The following TMTC1 variants were observed in gnomAD, a reference collection of about 807,000 sequenced individuals.
TMTC1 encodes the protein protein O-mannosyl-transferase TMTC1.
In TMTC1, 73 loss-of-function variants were observed where a neutral mutation model predicts 104.8. The observed-to-expected ratio is 0.70, with a 90% CI of 0.58 to 0.85. TMTC1 has a LOEUF of 0.85. Among genes scored for constraint, TMTC1 ranks in the 40% least tolerant of loss-of-function variants. The probability of loss-of-function intolerance (pLI) is 0.00; values close to 1 mark genes in which losing one functional copy is unlikely to be tolerated. For synonymous variants in TMTC1, 434 were observed against 428.7 expected, an observed-to-expected ratio of 1.01 and a Z score of -0.15; for missense variants, 1,035 against 1,096.1, an observed-to-expected ratio of 0.94 and a Z score of 0.79.
Position 29,638,940 on chromosome 12 carries a change from A to T in TMTC1, c.939-5604T>A, listed in dbSNP as rs79773197. Among the ~76,000 whole-genome samples, 763 of 152,308 alleles carry T rather than the reference A, an allele frequency of 5.0e-3. 6 individuals are homozygous for T. The highest frequency in any genetic ancestry group is 0.017 in the African/African-American group (726 of 41,556). On this transcript the variant is annotated intron_variant, in intron 5 of 17. Coordinates refer to ENST00000539277, the MANE Select transcript of TMTC1 (RefSeq NM_001193451.2). ...GTCTCCACCTCACTGGGCCCCAGCC[A>T]TGACAGGCCTACACAGGCATTACCT...
intron 6 of TMTC1, among the ~76,000 whole-genome samples, chr12:29,613,265 G>A (rs12317132): frequency 0.015 from 2,283 of 152,274 alleles, 48 homozygotes; most frequent in African/African-American, 0.051. Flanking sequence ...CTTGAGTGAG[G>A]TACACCTAGG....
intron 12 of TMTC1, among the ~76,000 whole-genome samples, chr12:29,520,274 A>G (rs1309808422): frequency 1.3e-5 from 2 of 152,256 alleles, no homozygotes; most frequent in East Asian, 3.8e-4. Context: ...AACTGCTTTC[A>G]GAGGCAGGTT....
At chr12:29,713,958 TTC>T (rs1376755334) in intron 5 of TMTC1, among the ~76,000 whole-genome samples, 1 of 151,882 alleles carries the variant, frequency 6.6e-6, no homozygotes, top group Non-Finnish European at 1.5e-5. Context: ...CAGCTGCGGG[TTC>T]TCTCTCTCTC....
intron 5 of TMTC1, among the ~76,000 whole-genome samples, chr12:29,721,845 C>T (rs1190369622): frequency 3.3e-5 from 5 of 151,568 alleles, no homozygotes; most frequent in Non-Finnish European, 7.4e-5. Flanking sequence ...GGAAATATTT[C>T]TTTAATAATA....
intron 5 of TMTC1, among the ~76,000 whole-genome samples, chr12:29,640,036 T>C (rs1938756739): frequency 1.3e-5 from 2 of 152,192 alleles, no homozygotes. Flanking sequence ...TATGCCCCCA[T>C]GGGGCATTCC....
chr12:29,755,804 C>G lies in TMTC1; in HGVS notation c.636G>C (p.Gly212=), dbSNP rs190701071. ...TCTCTTTCACCAGCATCGCACAGGT[C>G]CCCAGAAACAAACTGAGCAGCAAGA... is the stretch of plus-strand genomic sequence containing the variant. ...PFFLLLSLFL[G]TCAMLVKETG... is the part of the protein sequence containing the mutation. Residue 212 remains glycine (G), a synonymous_variant, in exon 4 of 18, where the codon GGG becomes GGC. Coordinates refer to ENST00000539277, the MANE Select transcript of TMTC1 (RefSeq NM_001193451.2). 10 of 1,614,138 alleles carry G rather than the reference C, an allele frequency of 6.2e-6. No homozygotes were observed. The African/African-American group carries it at 1.2e-4, about 19-fold the overall frequency.
chr12:29,574,081 G>C (rs1945755470), intron 8 of TMTC1, among the ~76,000 whole-genome samples: 1 of 152,096 alleles, frequency 6.6e-6, no homozygotes, highest in Admixed American at 6.6e-5. Flanking sequence ...GCCATAGGGA[G>C]GAACAGAAGG....
chr12:29,643,867 T>A (rs1256098151), intron 5 of TMTC1, among the ~76,000 whole-genome samples: 101 of 37,500 alleles, frequency 2.7e-3, no homozygotes, highest in African/African-American at 7.4e-3. Flanking sequence ...TTATATATAT[T>A]TTTATATATA....
intron 5 of TMTC1, among the ~76,000 whole-genome samples, chr12:29,677,626 A>G (rs1012457567): frequency 6.6e-6 from 1 of 152,244 alleles, no homozygotes; most frequent in African/African-American, 2.4e-5. Context: ...TTTAAATCAC[A>G]TGCCTTTTAA....
chr12:29,666,468 C>T (rs1035685810), intron 5 of TMTC1, among the ~76,000 whole-genome samples: 7 of 151,874 alleles, frequency 4.6e-5, no homozygotes, highest in South Asian at 2.1e-4. Context: ...CTCCTGACCT[C>T]GTGATCCACC....
chr12:29,700,593 G>A (rs1336157709), intron 5 of TMTC1, among the ~76,000 whole-genome samples: 2 of 152,156 alleles, frequency 1.3e-5, no homozygotes, highest in Admixed American at 1.3e-4. Flanking sequence ...CCTTTCTGGA[G>A]AGAAGCTGGA....
At chr12:29,636,553 C>T (rs1252201266) in intron 5 of TMTC1, among the ~76,000 whole-genome samples, 1 of 152,068 alleles carries the variant, frequency 6.6e-6, no homozygotes. Flanking sequence ...TTCACGGTGG[C>T]TCATGCCTGT....
chr12:29,668,862 C>CA (rs1298435293), intron 5 of TMTC1, among the ~76,000 whole-genome samples: 1 of 152,216 alleles, frequency 6.6e-6, no homozygotes, highest in African/African-American at 2.4e-5. Context: ...ATGAAGTTAA[C>CA]AGTGCACAAT....
At chr12:29,696,743 A>G (rs1192061603) in intron 5 of TMTC1, among the ~76,000 whole-genome samples, 1 of 152,222 alleles carries the variant, frequency 6.6e-6, no homozygotes, top group Non-Finnish European at 1.5e-5. Context: ...GAAGTAGGGT[A>G]GGAAATAAAT....
At chr12:29,543,038 A>G (rs1392963875) in intron 10 of TMTC1, among the ~76,000 whole-genome samples, 1 of 152,224 alleles carries the variant, frequency 6.6e-6, no homozygotes, top group East Asian at 1.9e-4. Flanking sequence ...AGGCTAAAAA[A>G]TTCCCGAGAA....
intron 9 of TMTC1, among the ~76,000 whole-genome samples, chr12:29,566,929 A>AGGAGTGTTGGCTGCTGGCAGCTC (rs1473273653): frequency 6.6e-5 from 10 of 152,216 alleles, no homozygotes; most frequent in African/African-American, 2.4e-4. Context: ...CCCGGCTGCT[A>AGGAGTGTTGGCTGCTGGCAGCTC]GGAGTGTTGG....
intron 5 of TMTC1, among the ~76,000 whole-genome samples, chr12:29,705,349 G>C (rs1941711605): frequency 6.6e-6 from 1 of 152,236 alleles, no homozygotes; most frequent in South Asian, 2.1e-4. Context: ...ATTTTGAGCT[G>C]ATTATTTTGA....
In TMTC1 at chr12:29,774,140, A is replaced by G. The variant is rs534759398; in HGVS notation, c.303-6065T>C. ...ATGCCAGGGAGATTTTAGCATCTCA[A>G]CCTCATTAAACATGGGCCCCCATGA... On this transcript the variant is annotated intron_variant, in intron 1 of 17. Transcript: ENST00000539277. 6.6e-5 allele frequency among the ~76,000 whole-genome samples: 10 copies of G among 152,246 alleles called. No homozygotes were observed. The South Asian group carries it at 1.0e-3, about 16-fold the overall frequency.
At chr12:29,711,520 T>C (rs1488295517) in intron 5 of TMTC1, among the ~76,000 whole-genome samples, 2 of 152,164 alleles carry the variant, frequency 1.3e-5, no homozygotes, top group Non-Finnish European at 2.9e-5. Flanking sequence ...GTTGGTGTCA[T>C]TGGTTAAACT....
Sources: gnomAD v4.1 joint callset for allele counts (sites outside exome capture counted in the v4.1 genomes callset) on GRCh38, gnomAD v4.1.1 for gene constraint, MANE v1.5 for transcripts, NCBI Gene and HGNC (gene_info 2026-07-23, HGNC 2026-07-21) for gene names.